The following GALNT14 variants were observed in gnomAD, a reference collection of about 807,000 sequenced individuals.
GALNT14 encodes the protein polypeptide N-acetylgalactosaminyltransferase 14, also known as UDP-GalNAc:polypeptide N-acetylgalactosaminyltransferase 14.
A neutral mutation model predicts 77.5 loss-of-function variants in GALNT14; 60 were observed. That is an observed-to-expected ratio of 0.77 (90% CI 0.63 to 0.96). GALNT14 has a LOEUF of 0.96. GALNT14 is among the 40% of genes least tolerant of loss of function. The pLI is 0.00. For synonymous variants in GALNT14, 280 were observed against 281.7 expected (o/e 0.99, Z 0.06); for missense variants, 710 against 731.0 (o/e 0.97, Z 0.33).
At chr2:30,979,067 C>T (rs569778140) in intron 2 of GALNT14, among the ~76,000 whole-genome samples, 5 of 152,172 alleles carry the variant, frequency 3.3e-5, no homozygotes, top group Admixed American at 6.5e-5. Flanking sequence ...CTGATGGGGG[C>T]GGCCTTGACT....
chr2:31,005,627 A>C (rs1364731768), intron 1 of GALNT14, among the ~76,000 whole-genome samples: 1 of 152,176 alleles, frequency 6.6e-6, no homozygotes, highest in African/African-American at 2.4e-5. Context: ...AGTCAATTTA[A>C]GTTTAGCTGC....
At chr2:31,003,366 G>A (rs2148425267) in intron 1 of GALNT14, among the ~76,000 whole-genome samples, 1 of 152,278 alleles carries the variant, frequency 6.6e-6, no homozygotes, top group South Asian at 2.1e-4. Context: ...TTACTTTTCT[G>A]TTCTACCTCC....
chr2:31,128,980 A>AAC (rs57515327), intron 1 of GALNT14, among the ~76,000 whole-genome samples: 2 of 151,414 alleles, frequency 1.3e-5, no homozygotes, highest in East Asian at 3.9e-4. Context: ...AAAAAAAAAA[A>AAC]ACACACAAAG....
chr2:31,068,852 C>CA (rs1358401513), intron 1 of GALNT14, among the ~76,000 whole-genome samples: 2 of 152,074 alleles, frequency 1.3e-5, no homozygotes, highest in African/African-American at 2.4e-5. Context: ...TGCTACAGCA[C>CA]AGATGAACCT....
At chr2:30,958,526 C>A in intron 3 of GALNT14, 62 bp from the exon 4 acceptor site, 1 of 1,347,608 alleles carries the variant, frequency 7.4e-7, no homozygotes, top group Non-Finnish European at 1.1e-6. Flanking sequence ...ATGTACTAAC[C>A]CGAGTTTTAA....
rs760676083 is a variant in GALNT14, at chr2:30,911,021, T to C, written c.1539A>G (p.Ala513=). The C allele has an allele frequency of 2.5e-6, 4 of 1,614,026 alleles. No homozygotes were observed. Among genetic ancestry groups the C allele is most frequent in the Non-Finnish European group, 3.4e-6 (4 of 1,180,018 alleles). The part of the protein sequence containing the change: ...TKTGSHIEHI[A]SHLCLDTDMF... ...TATCTGTATCGAGGCAGAGGTGGGA[T>C]GCTATGTGCTCGATGTGGGAACCAG... The change falls in exon 15 of 15, where the codon GCA becomes GCG. Residue 513 remains alanine (A), a synonymous_variant. Transcript: ENST00000349752.
intron 1 of GALNT14, among the ~76,000 whole-genome samples, chr2:31,077,769 C>T (rs754044447): frequency 6.6e-6 from 1 of 152,258 alleles, no homozygotes; most frequent in Non-Finnish European, 1.5e-5. Context: ...TCAATTCTAT[C>T]ACCTTTGGGC....
At chr2:31,060,732 A>C (rs1002701004) in intron 1 of GALNT14, among the ~76,000 whole-genome samples, 8 of 152,180 alleles carry the variant, frequency 5.3e-5, no homozygotes, top group African/African-American at 1.9e-4. Flanking sequence ...CTTGGGGCCC[A>C]GCAGGTCACC....
chr2:30,944,791 C>T, intron 8 of GALNT14, 67 bp downstream of exon 8: 5 of 1,228,670 alleles, frequency 4.1e-6, no homozygotes, highest in Non-Finnish European at 5.6e-6. Flanking sequence ...TATTGAGCAC[C>T]TCCCTACACT....
intron 1 of GALNT14, chr2:31,125,202 C>A (rs1237720937): frequency 1.3e-6 from 2 of 1,550,572 alleles, no homozygotes; most frequent in Non-Finnish European, 1.7e-6. Flanking sequence ...GATACAGGCA[C>A]CTGAGGCGCC....
At chr2:31,026,365 C>T (rs961737491) in intron 1 of GALNT14, among the ~76,000 whole-genome samples, 1 of 152,150 alleles carries the variant, frequency 6.6e-6, no homozygotes, top group African/African-American at 2.4e-5. Context: ...GGCTGGATTC[C>T]AAGAAGGAGA....
intron 1 of GALNT14, among the ~76,000 whole-genome samples, chr2:31,035,400 T>C (rs2365191): frequency 0.27 from 40,780 of 151,614 alleles, 6,559 homozygotes; most frequent in East Asian, 0.43. Flanking sequence ...GCAATATTCA[T>C]ATGGTTCTCT....
chr2:30,912,810 CAGAGCACATGAGACT>C (rs1334303538), intron 13 of GALNT14, among the ~76,000 whole-genome samples: 16 of 152,152 alleles, frequency 1.1e-4, no homozygotes, highest in African/African-American at 3.9e-4. Context: ...AGTCAGTGTC[CAGAGCACATGAGACT>C]AGAGCACATG....
intron 9 of GALNT14, among the ~76,000 whole-genome samples, chr2:30,933,081 G>A (rs924949982): frequency 5.3e-5 from 8 of 152,154 alleles, no homozygotes; most frequent in Non-Finnish European, 5.9e-5. Context: ...AGAAGGAAGT[G>A]GTGGCATACC....
chr2:31,046,843 A>G (rs1673500645), intron 1 of GALNT14, among the ~76,000 whole-genome samples: 1 of 152,090 alleles, frequency 6.6e-6, no homozygotes, highest in Non-Finnish European at 1.5e-5. Flanking sequence ...CACTCGTTTC[A>G]AGTTCATGGA....
intron 3 of GALNT14, among the ~76,000 whole-genome samples, chr2:30,960,772 A>C (rs1667647590): frequency 6.6e-6 from 1 of 152,098 alleles, no homozygotes; most frequent in Non-Finnish European, 1.5e-5. Flanking sequence ...ATGGTTGCTC[A>C]GGTCTCCCTC....
chr2:30,947,283 A>G (rs1262694623), intron 6 of GALNT14, among the ~76,000 whole-genome samples: 1 of 152,198 alleles, frequency 6.6e-6, no homozygotes, highest in East Asian at 1.9e-4. Flanking sequence ...CCTCTAAGAC[A>G]AAGTACAAAC....
chr2:30,990,734 T>C (rs1382129281), intron 2 of GALNT14, among the ~76,000 whole-genome samples: 1 of 152,210 alleles, frequency 6.6e-6, no homozygotes, highest in Non-Finnish European at 1.5e-5. Context: ...ACCTTTCCTT[T>C]TCATGCACAT....
chr2:31,048,783 T>G (rs1403048870), intron 1 of GALNT14, among the ~76,000 whole-genome samples: 1 of 152,070 alleles, frequency 6.6e-6, no homozygotes, highest in Non-Finnish European at 1.5e-5. Context: ...CATTGCCCTC[T>G]TCATTGTAGG....
Sources: gnomAD v4.1 joint callset for allele counts (sites outside exome capture counted in the v4.1 genomes callset) on GRCh38, gnomAD v4.1.1 for gene constraint, MANE v1.5 for transcripts, NCBI Gene and HGNC (gene_info 2026-07-23, HGNC 2026-07-21) for gene names.